SLC5A3: variants seen among roughly 807,000 people sequenced by gnomAD.
The protein encoded by SLC5A3 is sodium/myo-inositol cotransporter.
A neutral mutation model predicts 43.2 loss-of-function variants in SLC5A3; 10 were observed. The ratio of observed to expected loss-of-function variants is 0.23; its 90% CI spans 0.14 to 0.39. The LOEUF (loss-of-function observed/expected upper bound fraction) is 0.39, where lower values mean the gene tolerates loss of function less well. SLC5A3 is among the 10% of genes least tolerant of loss of function. SLC5A3 has a pLI of 1.00. For missense variants in SLC5A3, 608 were observed against 893.4 expected (o/e 0.68, Z 4.07); for synonymous variants, 349 against 322.0 (o/e 1.08, Z -0.90).
chr21:34,085,588 A>G (rs1296915166), intron 1 of SLC5A3, among the ~76,000 whole-genome samples: 1 of 151,468 alleles, frequency 6.6e-6, no homozygotes, highest in African/African-American at 2.4e-5. Flanking sequence ...ATTAGTGTAT[A>G]AGAAATAAGG....
rs752109754 is a variant in SLC5A3 at position 34,099,720 on chromosome 21, T to C, written c.*2365T>C. Reference sequence around the variant, plus strand: ...TACATAAGGTACATCATCTTGTGTCTGTGTGTATATAGCAGTAGGTCAAGT... The same window carrying C: ...TACATAAGGTACATCATCTTGTGTCCGTGTGTATATAGCAGTAGGTCAAGT... On this transcript the variant is annotated 3_prime_UTR_variant, in exon 2 of 2. Transcript: ENST00000381151. The C allele has an allele frequency of 1.3e-5, 13 of 998,234 alleles. No individual in the cohort carries two copies. Among genetic ancestry groups the C allele is most frequent in the Non-Finnish European group, 1.6e-5 (13 of 829,216 alleles). 61.8% of individuals were successfully genotyped at this position (998,234 alleles called of 1,614,324 possible).
chr21:34,075,692 TA>T (rs1292316682), intron 1 of SLC5A3, among the ~76,000 whole-genome samples: 1 of 152,212 alleles, frequency 6.6e-6, no homozygotes, highest in Non-Finnish European at 1.5e-5. Context: ...TTGACCTAAA[TA>T]AAGTAATATT....
intron 1 of SLC5A3, among the ~76,000 whole-genome samples, chr21:34,079,029 C>T (rs1055038485): frequency 1.3e-5 from 2 of 152,086 alleles, no homozygotes; most frequent in African/African-American, 4.8e-5. Context: ...AAGAACTACC[C>T]TTGGGTTTGG....
chr21:34,079,411 G>A (rs1320630147), intron 1 of SLC5A3, among the ~76,000 whole-genome samples: 1 of 151,768 alleles, frequency 6.6e-6, no homozygotes, highest in African/African-American at 2.4e-5. Flanking sequence ...GTTTTCTGAT[G>A]TTACTCCCTT....
Position 34,102,173 on chromosome 21 carries a change from T to C in SLC5A3, c.*4818T>C, listed in dbSNP as rs1200367851. 6.0e-6 allele frequency: 6 copies of C among 999,888 alleles called. No homozygotes were observed. In the East Asian group the frequency reaches 6.8e-4, roughly 113 times the overall value. 61.9% of individuals were successfully genotyped at this position (999,888 alleles called of 1,614,324 possible). A position where few individuals can be genotyped will look rare whatever the true frequency, so the allele number is the denominator to read the frequency against. On this transcript the variant is annotated 3_prime_UTR_variant, in exon 2 of 2. Transcript: ENST00000381151. ...GTCCTTTGTTGGAATACTTTAGCTG[T>C]TCAGCTACTTTGACTCCTAGGAGAG...
At chr21:34,093,744 G>C (rs1386195823) in intron 1 of SLC5A3, among the ~76,000 whole-genome samples, 5 of 152,130 alleles carry the variant, frequency 3.3e-5, no homozygotes, top group Non-Finnish European at 7.4e-5. Context: ...TTTAGTATTT[G>C]TCTCTTTTTC....
chr21:34,084,397 A>G (rs919993050), intron 1 of SLC5A3, among the ~76,000 whole-genome samples: 14 of 148,532 alleles, frequency 9.4e-5, no homozygotes, highest in African/African-American at 2.5e-4. Context: ...CTGAGAACAG[A>G]AAAAAAACAC....
At chr21:34,087,367 A>G (rs1257460738) in intron 1 of SLC5A3, among the ~76,000 whole-genome samples, 2 of 152,204 alleles carry the variant, frequency 1.3e-5, no homozygotes, top group African/African-American at 4.8e-5. Flanking sequence ...CGAAGAACTT[A>G]GTTGTTAATA....
intron 1 of SLC5A3, among the ~76,000 whole-genome samples, chr21:34,091,402 T>G (rs558017608): frequency 3.3e-5 from 5 of 152,198 alleles, no homozygotes; most frequent in African/African-American, 9.6e-5. Context: ...TCCTGCTGTT[T>G]ACATATAGTT....
In SLC5A3 at chr21:34,103,864, T is replaced by A. The variant is rs150731883; in HGVS notation, c.*6509T>A. 9.8e-4 allele frequency: 981 copies of A among 1,000,146 alleles called. 10 individuals are homozygous for A. The African/African-American group carries it at 0.016, about 16-fold the overall frequency. 62.0% of individuals were successfully genotyped at this position (1,000,146 alleles called of 1,614,324 possible). A position where few individuals can be genotyped will look rare whatever the true frequency, so the allele number is the denominator to read the frequency against. On this transcript the variant is annotated 3_prime_UTR_variant, in exon 2 of 2. Transcript: ENST00000381151. ...GGGGGTTACTAGCTAAAATGGGGTT[T>A]GAGGGCTTTTTACTGCAACTTGAAA...
intron 1 of SLC5A3, among the ~76,000 whole-genome samples, chr21:34,077,698 C>T (rs1016784893): frequency 3.9e-5 from 6 of 152,186 alleles, no homozygotes; most frequent in Non-Finnish European, 5.9e-5. Context: ...TTATATTTTA[C>T]ATTTAGATAA....
Position 34,099,140 on chromosome 21 carries a change from A to G in SLC5A3, c.*1785A>G. ...GGACTGAGTCTGTAAATGAAAAAAT[A>G]ATTTATGTATGAATAGCATGTATTT... On this transcript the variant is annotated 3_prime_UTR_variant, in exon 2 of 2. Transcript: ENST00000381151. The G allele has an allele frequency of 8.0e-6, 8 of 999,518 alleles. No homozygotes were observed. Among genetic ancestry groups the G allele is most frequent in the Non-Finnish European group, 9.6e-6 (8 of 829,636 alleles). 61.9% of individuals were successfully genotyped at this position (999,518 alleles called of 1,614,324 possible).
chr21:34,080,135 G>C (rs1268970758), intron 1 of SLC5A3, among the ~76,000 whole-genome samples: 1 of 152,134 alleles, frequency 6.6e-6, no homozygotes, highest in Admixed American at 6.5e-5. Context: ...AAATACGCTT[G>C]TAGTGCAAAT....
At position 34,094,192 on chromosome 21, in the gene SLC5A3, T is replaced by A. The variant is rs189903561; in HGVS notation, c.-336-671T>A. Among the ~76,000 whole-genome samples the A allele has an allele frequency of 6.8e-4, 103 of 152,298 alleles. 1 individual carries two copies. The Middle Eastern group carries it at 0.027, about 40-fold the overall frequency. On this transcript the variant is annotated intron_variant, in intron 1 of 1. Coordinates refer to ENST00000381151, the MANE Select transcript of SLC5A3 (RefSeq NM_006933.7). The stretch of plus-strand genomic sequence containing the variant: ...TTTGAGTTGTTTTGTAAGTTGGATA[T>A]TTTTAGTTTTGTGTGGAATGTCGTG...
chr21:34,105,599 G>C lies in SLC5A3; in HGVS notation c.*8244G>C. The stretch of plus-strand genomic sequence containing the variant: ...TGTAAGAGACCAGTTAGTACACTGG[G>C]GGTGTATATTGTGTACATGTGTCAT... On this transcript the variant is annotated 3_prime_UTR_variant, in exon 2 of 2. Transcript: ENST00000381151. The C allele has an allele frequency of 7.0e-6, 7 of 999,800 alleles. No individual in the cohort carries two copies. Among genetic ancestry groups the C allele is most frequent in the Non-Finnish European group, 7.2e-6 (6 of 829,670 alleles). The allele number at this position is 999,800 out of a possible 1,614,324, so 61.9% of individuals were successfully genotyped here.
At chr21:34,079,757 AC>A (rs1989418905) in intron 1 of SLC5A3, among the ~76,000 whole-genome samples, 1 of 151,476 alleles carries the variant, frequency 6.6e-6, no homozygotes, top group Admixed American at 6.6e-5. Flanking sequence ...AATTCCATTA[AC>A]CTTCATGTGG....
chr21:34,103,890 CT>C lies in SLC5A3; in HGVS notation c.*6536del. The stretch of plus-strand genomic sequence containing the variant: ...GAGGGCTTTTTACTGCAACTTGAAA[CT>C]GGAGAAATAGGGACAGATGTCTAGG... On this transcript the variant is annotated 3_prime_UTR_variant, in exon 2 of 2. Coordinates refer to ENST00000381151, the MANE Select transcript of SLC5A3 (RefSeq NM_006933.7). 1 of 1,000,044 alleles carries C rather than the reference CT, an allele frequency of 1.0e-6. No homozygotes were observed. Among genetic ancestry groups the C allele is most frequent in the Non-Finnish European group, 1.2e-6 (1 of 829,908 alleles). The allele number at this position is 1,000,044 out of a possible 1,614,324, so 61.9% of individuals were successfully genotyped here.
intron 1 of SLC5A3, among the ~76,000 whole-genome samples, chr21:34,083,179 G>A (rs1370826183): frequency 6.6e-6 from 1 of 152,142 alleles, no homozygotes; most frequent in Non-Finnish European, 1.5e-5. Flanking sequence ...TATGGTAGCC[G>A]GGTTGCTGTG....
intron 1 of SLC5A3, among the ~76,000 whole-genome samples, chr21:34,081,768 C>T (rs1384652907): frequency 6.6e-6 from 1 of 152,150 alleles, no homozygotes; most frequent in East Asian, 1.9e-4. Flanking sequence ...TGGTCTTAGG[C>T]AAGTCGCTGT....
Sources: allele counts gnomAD v4.1 joint callset (sites outside exome capture counted in the v4.1 genomes callset), GRCh38; gene constraint gnomAD v4.1.1; transcripts MANE v1.5; gene names NCBI Gene and HGNC (gene_info 2026-07-23, HGNC 2026-07-21).